Variants in IDE observed in about 807,000 individuals in gnomAD.
IDE encodes the protein insulin-degrading enzyme.
In IDE, 58 loss-of-function variants were observed where a neutral mutation model predicts 133.2. That is an observed-to-expected ratio of 0.44 (90% CI 0.35 to 0.54). The LOEUF (loss-of-function observed/expected upper bound fraction) is 0.54, where lower values mean the gene tolerates loss of function less well. Ranked by LOEUF, IDE falls within the 20% of genes least tolerant of loss-of-function variation. IDE has a pLI of 0.00. For synonymous variants in IDE, 396 were observed against 421.3 expected (o/e 0.94, Z 0.73); for missense variants, 981 against 1,234.0 (o/e 0.79, Z 3.07).
chr10:92,498,153 C>A (rs1453761363), intron 11 of IDE, among the ~76,000 whole-genome samples: 1 of 152,236 alleles, frequency 6.6e-6, no homozygotes, highest in Non-Finnish European at 1.5e-5. Flanking sequence ...AGCCAGTATT[C>A]ATGACATTAT....
chr10:92,534,433 T>G, intron 3 of IDE, 145 bp downstream of exon 3: 1 of 592,104 alleles, frequency 1.7e-6, no homozygotes, highest in Admixed American at 3.3e-5. Context: ...ATCACTCATT[T>G]TTTCTTTTTC....
At chr10:92,457,995 CA>C (rs1351334335) in intron 22 of IDE, among the ~76,000 whole-genome samples, 1 of 152,148 alleles carries the variant, frequency 6.6e-6, no homozygotes, top group Non-Finnish European at 1.5e-5. Flanking sequence ...AGTTTGCTTC[CA>C]AAGATCTCTT....
intron 11 of IDE, among the ~76,000 whole-genome samples, chr10:92,501,541 G>A (rs778426947): frequency 6.6e-5 from 10 of 150,622 alleles, no homozygotes; most frequent in Middle Eastern, 3.2e-3. Flanking sequence ...ATGGTGGCGC[G>A]TGCCTGTGGT....
At chr10:92,548,388 A>AAAAG (rs1842627152) in intron 1 of IDE, among the ~76,000 whole-genome samples, 1 of 141,058 alleles carries the variant, frequency 7.1e-6, no homozygotes, top group African/African-American at 2.6e-5. Context: ...AAAAAAAAAA[A>AAAAG]GAGTCAGATG....
intron 1 of IDE, among the ~76,000 whole-genome samples, chr10:92,554,540 T>G (rs1842922570): frequency 1.5e-5 from 1 of 67,262 alleles, no homozygotes; most frequent in African/African-American, 6.5e-5. Context: ...AATGCAACAG[T>G]GTCTTAAAAA....
intron 1 of IDE, among the ~76,000 whole-genome samples, chr10:92,566,407 TCTCTCTCACACACA>T (rs1843550543): frequency 7.1e-6 from 1 of 141,728 alleles, no homozygotes. Flanking sequence ...TCTCTCTCTC[TCTCTCTCACACACA>T]CACACACACA....
rs372419393 is a variant in IDE at position 92,510,716 on chromosome 10, T to G, written c.785-554A>C. 5.7e-3 allele frequency among the ~76,000 whole-genome samples: 851 copies of G among 148,738 alleles called. 1 individual carries two copies. Among genetic ancestry groups the G allele is most frequent in the Admixed American group, 7.4e-3 (110 of 14,880 alleles). On this transcript the variant is annotated intron_variant, in intron 5 of 24. Transcript: ENST00000265986. Reference sequence around the variant, plus strand: ...ATACATCTCACATATATGATATATATCACATACATCTCACATGTATGAAAT... The same window carrying G: ...ATACATCTCACATATATGATATATAGCACATACATCTCACATGTATGAAAT...
Position 92,468,900 on chromosome 10 carries a change from T to C in IDE, c.2299A>G (p.Arg767Gly). The C allele has an allele frequency of 6.2e-7, 1 of 1,606,392 alleles. No homozygotes were observed. The highest frequency in any genetic ancestry group is 8.5e-7 in the Non-Finnish European group (1 of 1,172,918). The change falls in exon 19 of 25, where the codon AGA becomes GGA. Residue 767 changes from arginine (R) to glycine (G), a missense_variant. Arg to Gly is a moderately radical substitution (Grantham distance 125). This residue lies in a region of IDE where 660 missense variants were observed against 894.7 expected (regional missense o/e 0.74). Transcript: ENST00000265986. ...PLLPSQLVRY[R>G]EVQLPDRGWF... is the part of the protein sequence containing the mutation. ...TTACTGTCAGGGAGCTGAACTTCTC[T>C]ATACCGAACCAGCTGACTTGGAAGG... is the stretch of plus-strand genomic sequence containing the variant.
intron 15 of IDE, among the ~76,000 whole-genome samples, chr10:92,476,951 T>C (rs935761610): frequency 4.6e-5 from 7 of 151,622 alleles, no homozygotes; most frequent in Non-Finnish European, 7.4e-5. Context: ...CTGGGCAACA[T>C]AGTTAGACTC....
chr10:92,484,836 C>T (rs1458171326), intron 13 of IDE, among the ~76,000 whole-genome samples: 1 of 152,014 alleles, frequency 6.6e-6, no homozygotes, highest in African/African-American at 2.4e-5. Context: ...GGCAGGATCG[C>T]TTGAGCCTAG....
At chr10:92,508,231 C>G (rs762022861) in intron 7 of IDE, 26 bp from the exon 8 acceptor site, 3 of 1,525,820 alleles carry the variant, frequency 2.0e-6, no homozygotes, top group Admixed American at 3.5e-5. Context: ...GAAATCAATA[C>G]GATTGATTGC....
At chr10:92,520,741 T>A (rs1432122994) in intron 4 of IDE, among the ~76,000 whole-genome samples, 1 of 152,180 alleles carries the variant, frequency 6.6e-6, no homozygotes, top group Non-Finnish European at 1.5e-5. Flanking sequence ...GTACAAGATA[T>A]GAGTTATAAA....
At chr10:92,549,812 G>T (rs1460963152) in intron 1 of IDE, among the ~76,000 whole-genome samples, 1 of 151,994 alleles carries the variant, frequency 6.6e-6, no homozygotes, top group Non-Finnish European at 1.5e-5. Context: ...AAGTTATTTG[G>T]TTGGAACCAC....
intron 1 of IDE, among the ~76,000 whole-genome samples, chr10:92,544,189 C>T (rs997829765): frequency 2.7e-4 from 40 of 150,400 alleles, no homozygotes; most frequent in Admixed American, 2.1e-3. Flanking sequence ...GCCAAGATTG[C>T]GCCACTGCAC....
chr10:92,473,624 G>GA (rs771270224), intron 17 of IDE, among the ~76,000 whole-genome samples: 1,533 of 139,600 alleles, frequency 0.011, 11 homozygotes, highest in African/African-American at 0.027. Flanking sequence ...GCTAAAGCAG[G>GA]AAAAAAAAAA....
rs1849941409 is a variant in IDE at position 92,531,832 on chromosome 10, T to G, written c.577A>C (p.Asn193His). The part of the protein sequence containing the change: ...VNAVDSEHEK[N>H]VMNDAWRLFQ... The stretch of plus-strand genomic sequence containing the variant: ...AGTCTCCAGGCATCATTCATCACAT[T>G]CTTCTCATGTTCTGAATCAACTGCA... The change falls in exon 4 of 25, where the codon AAT becomes CAT. Residue 193 changes from asparagine (N) to histidine (H), a missense_variant. Asn to His is a moderately conservative substitution (Grantham distance 68). Transcript: ENST00000265986. 6.2e-7 allele frequency: 1 copy of G among 1,607,324 alleles called. No individual in the cohort carries two copies. The highest frequency in any genetic ancestry group is 8.5e-7 in the Non-Finnish European group (1 of 1,175,672).
intron 12 of IDE, among the ~76,000 whole-genome samples, chr10:92,490,248 A>T (rs922230583): frequency 6.6e-6 from 1 of 152,184 alleles, no homozygotes; most frequent in Non-Finnish European, 1.5e-5. Flanking sequence ...CTTTAGTTAC[A>T]TTTTATGGCA....
At chr10:92,511,366 G>A (rs1295518610) in intron 5 of IDE, among the ~76,000 whole-genome samples, 2 of 152,064 alleles carry the variant, frequency 1.3e-5, no homozygotes, top group South Asian at 2.1e-4. Context: ...GCCTCCCAAA[G>A]TGCTGGAATT....
chr10:92,535,639 T>C (rs886762747), intron 2 of IDE, among the ~76,000 whole-genome samples: 1 of 152,222 alleles, frequency 6.6e-6, no homozygotes, highest in Non-Finnish European at 1.5e-5. Context: ...AGTAGTTATT[T>C]GTTCAATATT....
Sources: allele counts gnomAD v4.1 joint callset (sites outside exome capture counted in the v4.1 genomes callset), GRCh38; gene constraint gnomAD v4.1.1; regional missense constraint gnomAD v4.1.1; transcripts MANE v1.5; gene names NCBI Gene and HGNC (gene_info 2026-07-23, HGNC 2026-07-21).